The following MIB1 variants were observed in gnomAD, a reference collection of about 807,000 sequenced individuals.
MIB1 encodes the protein E3 ubiquitin-protein ligase MIB1.
A neutral mutation model predicts 124.5 loss-of-function variants in MIB1; 278 were observed. The observed-to-expected ratio is 2.23, with a 90% confidence interval of 2.02 to 2.47. MIB1 has a LOEUF of 2.47. MIB1 is among the 30% of genes most tolerant of loss of function. The pLI, the probability that MIB1 is intolerant of heterozygous loss-of-function variation, is 0.00. For missense variants in MIB1, 957 were observed against 1,254.4 expected (o/e 0.76, Z 3.58); for synonymous variants, 446 against 429.4 (o/e 1.04, Z -0.48).
At chr18:21,828,415 G>A (rs2041946832) in intron 12 of MIB1, 1 of 151,890 alleles carries the variant, frequency 6.6e-6, no homozygotes, top group Non-Finnish European at 1.5e-5. Context: ...ATAAACTTGA[G>A]AAGGAAGGAC....
At chr18:21,813,173 G>T (rs908810823) in intron 10 of MIB1, among the ~76,000 whole-genome samples, 1 of 149,700 alleles carries the variant, frequency 6.7e-6, no homozygotes, top group African/African-American at 2.5e-5. Flanking sequence ...GTGGCCTGAT[G>T]TTCCCTTTTT....
At chr18:21,713,036 C>T (rs766249554) in intron 1 of MIB1, among the ~76,000 whole-genome samples, 6 of 152,086 alleles carry the variant, frequency 3.9e-5, no homozygotes, top group Non-Finnish European at 8.8e-5. Context: ...CTTACTGCAG[C>T]CTTGAATCAG....
chr18:21,845,157 C>G (rs1194214691), intron 15 of MIB1, among the ~76,000 whole-genome samples: 3 of 151,948 alleles, frequency 2.0e-5, no homozygotes, highest in Non-Finnish European at 4.4e-5. Context: ...ACTACAGGTG[C>G]ATGCCACCAC....
intron 16 of MIB1, among the ~76,000 whole-genome samples, chr18:21,848,763 G>GT (rs1235367419): frequency 2.0e-5 from 3 of 152,188 alleles, no homozygotes; most frequent in Admixed American, 6.5e-5. Context: ...TGCCCTATCT[G>GT]TTGTGGACTC....
intron 12 of MIB1, among the ~76,000 whole-genome samples, chr18:21,833,092 A>T (rs922439477): frequency 6.6e-6 from 1 of 152,210 alleles, no homozygotes. Context: ...GTCACTAGCC[A>T]TTGTGGCTAG....
chr18:21,744,727 A>C lies in MIB1; in HGVS notation c.229+2915A>C, dbSNP rs76368734. On this transcript the variant is annotated intron_variant, in intron 1 of 20. Transcript: ENST00000261537. ...GTATTTTCGGCAAGAATATCATAGA[A>C]ATGATGTTTTGCCCTTGTTAGTGCA... 1.3e-3 allele frequency among the ~76,000 whole-genome samples: 201 copies of C among 152,340 alleles called. 4 individuals carry two copies. The East Asian group carries it at 0.038, about 29-fold the overall frequency.
At chr18:21,832,024 A>G (rs998294570) in intron 12 of MIB1, among the ~76,000 whole-genome samples, 3 of 152,180 alleles carry the variant, frequency 2.0e-5, no homozygotes, top group African/African-American at 7.2e-5. Context: ...AGTTTATTGA[A>G]TGGAAAATGT....
At chr18:21,720,580 A>G (rs899425562) in intron 1 of MIB1, among the ~76,000 whole-genome samples, 1 of 152,140 alleles carries the variant, frequency 6.6e-6, no homozygotes, top group African/African-American at 2.4e-5. Context: ...GATTCAAAGC[A>G]AACAAACAGA....
intron 5 of MIB1, 33 bp from the exon 6 acceptor site, chr18:21,779,448 T>G (rs549301561): frequency 3.2e-6 from 5 of 1,579,792 alleles, no homozygotes; most frequent in African/African-American, 1.3e-5. Flanking sequence ...GAGGTTTTTT[T>G]CTCCCTTTAT....
rs371247322 is a variant in MIB1, at chr18:21,726,279, G to A, written n.167+21156G>A. On this transcript the variant is annotated intron_variant and non_coding_transcript_variant, in intron 1 of 20. Transcript: ENST00000578646. ...AAAAATTAAAAAAGATTGGCTGGGCGTGGTGGCTCACACCTGTAATCTCAA... is the reference window on the plus strand; with the variant it reads ...AAAAATTAAAAAAGATTGGCTGGGCATGGTGGCTCACACCTGTAATCTCAA... Among the ~76,000 whole-genome samples, 31 of 152,112 alleles carry A rather than the reference G, an allele frequency of 2.0e-4. No individual in the cohort carries two copies. In the East Asian group the frequency reaches 3.1e-3, roughly 15 times the overall value.
At position 21,766,531 on chromosome 18, in the gene MIB1, A is replaced by T. The variant is rs530502398; in HGVS notation, c.401+588A>T. On this transcript the variant is annotated intron_variant, in intron 2 of 20. Transcript: ENST00000261537. ...TGGGGGCGGAGTTTTAGGTAATGGG[A>T]TCTTCTCATGTAGATACAGATACTG... 7.2e-4 allele frequency among the ~76,000 whole-genome samples: 110 copies of T among 152,272 alleles called. 4 individuals are homozygous for T. The South Asian group carries it at 0.022, about 30-fold the overall frequency.
chr18:21,832,063 T>TGGTGGTGGAA (rs1429769499), intron 12 of MIB1, among the ~76,000 whole-genome samples: 23 of 152,154 alleles, frequency 1.5e-4, no homozygotes, highest in Admixed American at 1.5e-3. Context: ...ACCTGTATAT[T>TGGTGGTGGAA]GGTGGTGGAG....
Position 21,844,108 on chromosome 18 carries a change from G to T in MIB1, c.2066G>T (p.Gly689Val). The change falls in exon 15 of 21, where the codon GGT (glycine) becomes GTT (valine). Residue 689 changes from glycine to valine, a missense_variant. Gly to Val is a moderately radical substitution (Grantham distance 109, BLOSUM62 -3). Transcript: ENST00000261537. ...CTCTTTTAGCTTTTGGTCCGTGCAGGTGCCAAGCTTGATATTCAGGATAAG... is the reference window on the plus strand; with the variant it reads ...CTCTTTTAGCTTTTGGTCCGTGCAGTTGCCAAGCTTGATATTCAGGATAAG... ...TQIVRLLVRA[G>V]AKLDIQDKDG... The T allele has an allele frequency of 6.2e-7, 1 of 1,613,934 alleles. No individual in the cohort carries two copies. Among genetic ancestry groups the T allele is most frequent in the Non-Finnish European group, 8.5e-7 (1 of 1,180,012 alleles).
At chr18:21,781,399 A>ATATATATATATG in intron 6 of MIB1, among the ~76,000 whole-genome samples, 1 of 113,814 alleles carries the variant, frequency 8.8e-6, no homozygotes, top group East Asian at 2.7e-4. Flanking sequence ...ATATATATAT[A>ATATATATATATG]TATATATATA....
chr18:21,857,221 A>C lies in MIB1; in HGVS notation c.2757A>C (p.Ser919=), dbSNP rs939934751. 1 of 1,613,538 alleles carries C rather than the reference A, an allele frequency of 6.2e-7. No individual in the cohort carries two copies. Among genetic ancestry groups the C allele is most frequent in the East Asian group, 2.2e-5 (1 of 44,868 alleles). The change falls in exon 19 of 21, where the codon TCA becomes TCC. Residue 919 remains serine, a synonymous_variant. Coordinates refer to ENST00000261537, the MANE Select transcript of MIB1 (RefSeq NM_020774.4). The part of the protein sequence containing the change: ...PFIMCCGGKS[S]EDATDDISSG... ...TTATGTGCTGTGGAGGGAAAAGTTC[A>C]GAAGATGCCACTGATGATATCTGTA...
At chr18:21,837,462 C>A (rs906126230) in intron 12 of MIB1, among the ~76,000 whole-genome samples, 1 of 152,200 alleles carries the variant, frequency 6.6e-6, no homozygotes, top group Non-Finnish European at 1.5e-5. Flanking sequence ...GAGCTGAGAT[C>A]GTGCCACTGC....
In MIB1 at chr18:21,721,236, G is replaced by A. The variant is rs577642505; in HGVS notation, n.167+16113G>A. 4.0e-5 allele frequency among the ~76,000 whole-genome samples: 5 copies of A among 125,580 alleles called. No homozygotes were observed. In the East Asian group the frequency reaches 1.2e-3, roughly 29 times the overall value. The allele number at this position is 125,580 out of a possible 152,430, so 82.4% of individuals were successfully genotyped here. On this transcript the variant is annotated intron_variant and non_coding_transcript_variant, in intron 1 of 20. Coordinates refer to the MIB1 transcript ENST00000578646. ...CCTTCTGTTGCCCAGGCTGGAGTGCGATGGTGCGATCTTGGCTCACTGCAA... is the reference window on the plus strand; with the variant it reads ...CCTTCTGTTGCCCAGGCTGGAGTGCAATGGTGCGATCTTGGCTCACTGCAA...
At chr18:21,732,385 CACACACACAG>C (rs2040775817) in intron 1 of MIB1, among the ~76,000 whole-genome samples, 1 of 148,938 alleles carries the variant, frequency 6.7e-6, no homozygotes, top group South Asian at 2.1e-4. Flanking sequence ...CACACACACA[CACACACACAG>C]AGCAAGAGAG....
chr18:21,770,644 T>A (rs1476787007), intron 3 of MIB1, among the ~76,000 whole-genome samples: 1 of 152,160 alleles, frequency 6.6e-6, no homozygotes, highest in African/African-American at 2.4e-5. Flanking sequence ...TTTTTAAGTC[T>A]CACTATACGT....
Sources: allele counts gnomAD v4.1 joint callset (sites outside exome capture counted in the v4.1 genomes callset), GRCh38; gene constraint gnomAD v4.1.1; transcripts MANE v1.5; gene names NCBI Gene and HGNC (gene_info 2026-07-23, HGNC 2026-07-21).